The following CDK15 variants were observed in gnomAD, a reference collection of about 807,000 sequenced individuals.
CDK15 encodes the protein cyclin dependent kinase 15.
A neutral mutation model predicts 60.3 loss-of-function variants in CDK15; 62 were observed. That is an observed-to-expected ratio of 1.03 (90% CI 0.84 to 1.27). The LOEUF is 1.27. Among genes scored for constraint, CDK15 ranks in the 50% most tolerant of loss-of-function variants. The pLI, the probability that CDK15 is intolerant of heterozygous loss-of-function variation, is 0.00. For missense variants in CDK15, 541 were observed against 527.8 expected, an observed-to-expected ratio of 1.03 and a Z score of -0.25; for synonymous variants, 194 against 195.7, an observed-to-expected ratio of 0.99 and a Z score of 0.07.
Position 201,889,735 on chromosome 2 carries a change from G to T in CDK15, c.1199-1050G>T, listed in dbSNP as rs550703459. Among the ~76,000 whole-genome samples, 11 of 151,894 alleles carry T rather than the reference G, an allele frequency of 7.2e-5. No individual in the cohort carries two copies. The East Asian group carries it at 2.1e-3, about 29-fold the overall frequency. On this transcript the variant is annotated intron_variant, in intron 12 of 13. Transcript: ENST00000652192. Reference sequence around the variant, plus strand: ...GTTTTTTTTTTCTCAATTTGCAAAAGTTGCACCTTAGAGTCTATATAAATA... The same window carrying T: ...GTTTTTTTTTTCTCAATTTGCAAAATTTGCACCTTAGAGTCTATATAAATA...
intron 8 of CDK15, among the ~76,000 whole-genome samples, chr2:201,836,036 TTTATATATATTTATATATATA>T (rs1559126042): frequency 2.6e-5 from 2 of 76,140 alleles, no homozygotes; most frequent in African/African-American, 1.1e-4. Context: ...TTATATATAT[TTTATATATATTTATATATATA>T]TTATATATAT....
At chr2:201,811,476 T>C (rs1220463806) in intron 3 of CDK15, among the ~76,000 whole-genome samples, 2 of 152,340 alleles carry the variant, frequency 1.3e-5, no homozygotes, top group South Asian at 2.1e-4. Context: ...CTTTATTAAA[T>C]ATCGGATTGT....
intron 4 of CDK15, among the ~76,000 whole-genome samples, chr2:201,821,666 G>A (rs991967668): frequency 6.6e-6 from 1 of 152,034 alleles, no homozygotes; most frequent in Non-Finnish European, 1.5e-5. Context: ...GCCCTGAGGT[G>A]AGCCTCATCA....
intron 11 of CDK15, chr2:201,876,691 C>A: frequency 1.7e-6 from 1 of 582,322 alleles, no homozygotes; most frequent in Non-Finnish European, 2.7e-6. Flanking sequence ...AGGGTAGGTT[C>A]TGTTGGTTGA....
At chr2:201,886,623 C>A (rs975707831) in intron 12 of CDK15, among the ~76,000 whole-genome samples, 1 of 152,190 alleles carries the variant, frequency 6.6e-6, no homozygotes, top group Non-Finnish European at 1.5e-5. Context: ...CCTTGTCTGG[C>A]CAAGATTTCT....
intron 10 of CDK15, chr2:201,861,099 G>A (rs1318982841): frequency 1.9e-6 from 2 of 1,061,782 alleles, no homozygotes; most frequent in African/African-American, 3.3e-5. Context: ...GGCTTTAACT[G>A]CAGGCATCAA....
intron 6 of CDK15, 74 bp downstream of exon 6, chr2:201,823,801 A>G: frequency 3.1e-6 from 4 of 1,282,728 alleles, no homozygotes; most frequent in Non-Finnish European, 4.5e-6. Flanking sequence ...ACTGTCTCAC[A>G]AAGCAAAGTC....
At chr2:201,808,000 C>G (rs1695595821) in intron 3 of CDK15, 48 bp downstream of exon 3, 1 of 1,493,832 alleles carries the variant, frequency 6.7e-7, no homozygotes, top group Admixed American at 1.8e-5. Flanking sequence ...GAGTCCCGCC[C>G]CCCCAATTTC....
intron 8 of CDK15, among the ~76,000 whole-genome samples, chr2:201,837,236 T>G (rs1185749133): frequency 6.6e-6 from 1 of 150,920 alleles, no homozygotes; most frequent in African/African-American, 2.4e-5. Flanking sequence ...TGCAGTGAGT[T>G]TTGATGGTAC....
In CDK15 at chr2:201,895,544, G is replaced by C. The variant is rs1287172214; in HGVS notation, c.*2277G>C. On this transcript the variant is annotated 3_prime_UTR_variant, in exon 14 of 14. Transcript: ENST00000652192. The stretch of plus-strand genomic sequence containing the variant: ...TATCAAATAAACATTCCTGGAATTT[G>C]TGCATATTTTTTCATCCCGTGTTTT... 2.6e-5 allele frequency: 4 copies of C among 152,092 alleles called. No homozygotes were observed. The highest frequency in any genetic ancestry group is 2.1e-4 in the South Asian group (1 of 4,824). The allele number at this position is 152,092 out of a possible 1,614,324, so 9.4% of individuals were successfully genotyped here.
At chr2:201,881,603 G>A (rs1170104722) in intron 12 of CDK15, among the ~76,000 whole-genome samples, 4 of 152,146 alleles carry the variant, frequency 2.6e-5, no homozygotes, top group Admixed American at 1.3e-4. Context: ...ATTATTTGGA[G>A]GAACAAGAAT....
intron 10 of CDK15, among the ~76,000 whole-genome samples, chr2:201,864,209 C>T (rs1011358751): frequency 6.6e-6 from 1 of 151,966 alleles, no homozygotes; most frequent in African/African-American, 2.4e-5. Context: ...CTTTAAGAAA[C>T]TAGGGAAATC....
At chr2:201,840,401 T>C (rs181959980) in intron 8 of CDK15, among the ~76,000 whole-genome samples, 2 of 152,352 alleles carry the variant, frequency 1.3e-5, no homozygotes, top group Admixed American at 6.5e-5. Flanking sequence ...CACTATATTG[T>C]TGATTTGTCA....
chr2:201,811,983 G>A (rs1236206858), intron 3 of CDK15, among the ~76,000 whole-genome samples: 1 of 151,940 alleles, frequency 6.6e-6, no homozygotes, highest in African/African-American at 2.4e-5. Context: ...GACCAGCCTG[G>A]CCAAAATGGT....
At chr2:201,875,111 C>T (rs1408796304) in intron 11 of CDK15, among the ~76,000 whole-genome samples, 1 of 152,172 alleles carries the variant, frequency 6.6e-6, no homozygotes, top group East Asian at 1.9e-4. Context: ...TACGCAGTCA[C>T]AAAACTCAAT....
chr2:201,894,077 A>ACC lies in CDK15; in HGVS notation c.*811_*812insCC, dbSNP rs1318090732. 4.8e-5 allele frequency: 2 copies of ACC among 41,608 alleles called. No individual in the cohort carries two copies. The highest frequency in any genetic ancestry group is 1.4e-4 in the Non-Finnish European group (2 of 14,002). 2.6% of individuals were successfully genotyped at this position (41,608 alleles called of 1,614,324 possible). On this transcript the variant is annotated 3_prime_UTR_variant, in exon 14 of 14. Coordinates refer to ENST00000652192, the MANE Select transcript of CDK15 (RefSeq NM_001366386.2). Reference sequence around the variant, plus strand: ...AATTTAAGCCCTGTTGCACCACCACACACACACACACACACACACACACAC... The same window carrying ACC: ...AATTTAAGCCCTGTTGCACCACCACACCCACACACACACACACACACACACAC...
At chr2:201,851,247 G>GTGCCAC (rs1304167555) in intron 9 of CDK15, among the ~76,000 whole-genome samples, 10 of 138,950 alleles carry the variant, frequency 7.2e-5, no homozygotes, top group Non-Finnish European at 1.5e-4. Context: ...AGACGAGATC[G>GTGCCAC]TGCCACTGCA....
At chr2:201,813,830 T>C (rs535678046) in intron 4 of CDK15, among the ~76,000 whole-genome samples, 5 of 152,326 alleles carry the variant, frequency 3.3e-5, no homozygotes, top group Admixed American at 2.6e-4. Flanking sequence ...TTGAATTTAA[T>C]TGGAAGGGCC....
At chr2:201,879,706 A>C (rs1290907447) in intron 11 of CDK15, among the ~76,000 whole-genome samples, 1 of 152,112 alleles carries the variant, frequency 6.6e-6, no homozygotes, top group Non-Finnish European at 1.5e-5. Flanking sequence ...CTCCAAAAAG[A>C]ATCCTTGATT....
Sources: gnomAD v4.1 joint callset for allele counts (sites outside exome capture counted in the v4.1 genomes callset) on GRCh38, gnomAD v4.1.1 for gene constraint, MANE v1.5 for transcripts, NCBI Gene and HGNC (gene_info 2026-07-23, HGNC 2026-07-21) for gene names.